The following IPO9 variants were observed in gnomAD, a reference collection of about 807,000 sequenced individuals.
The protein encoded by IPO9 is importin-9.
IPO9 carries 28 observed loss-of-function variants against 128.6 expected under a neutral mutation model. The observed-to-expected ratio is 0.22, with a 90% CI of 0.16 to 0.30. IPO9 has a LOEUF of 0.30. Among genes scored for constraint, IPO9 ranks in the 10% least tolerant of loss-of-function variants. The probability of loss-of-function intolerance (pLI) is 1.00; values close to 1 mark genes in which losing one functional copy is unlikely to be tolerated. For synonymous variants in IPO9, 455 were observed against 475.8 expected (o/e 0.96, Z 0.57); for missense variants, 935 against 1,293.9 (o/e 0.72, Z 4.26).
chr1:201,874,755 A>C, intron 21 of IPO9, 77 bp from the exon 22 acceptor site: 1 of 1,008,254 alleles, frequency 9.9e-7, no homozygotes, highest in Non-Finnish European at 1.6e-6. Flanking sequence ...GGGCCCTTCT[A>C]TTCTGGCCTA....
Position 201,877,487 on chromosome 1 carries a change from TCACACACACACA to T in IPO9, c.*1448_*1459del, listed in dbSNP as rs72022508. ...CGTTGCATTCCAAGGCAAGACTCAA[TCACACACACACA>T]CACACACACACACAAATCATGGGGA... On this transcript the variant is annotated 3_prime_UTR_variant, in exon 24 of 24. Coordinates refer to ENST00000361565, the MANE Select transcript of IPO9 (RefSeq NM_018085.5). The T allele has an allele frequency of 0.58, 87,028 of 150,034 alleles. 26,260 individuals are homozygous for T. Among genetic ancestry groups the T allele is most frequent in the Non-Finnish European group, 0.68 (45,539 of 67,236 alleles). 9.3% of individuals were successfully genotyped at this position (150,034 alleles called of 1,614,324 possible).
At chr1:201,852,883 A>T in intron 5 of IPO9, 128 bp from the exon 6 acceptor site, 2 of 713,942 alleles carry the variant, frequency 2.8e-6, no homozygotes, top group Non-Finnish European at 2.5e-6. Context: ...TACATTTCCC[A>T]TTTCTCGAGG....
intron 13 of IPO9, among the ~76,000 whole-genome samples, chr1:201,861,896 G>A (rs1437100565): frequency 6.6e-6 from 1 of 152,208 alleles, no homozygotes; most frequent in Non-Finnish European, 1.5e-5. Context: ...CCTAAGAGAT[G>A]AATTAGGTAA....
chr1:201,872,606 A>AAACAACAACAAC (rs147575517), intron 19 of IPO9, among the ~76,000 whole-genome samples: 1 of 147,740 alleles, frequency 6.8e-6, no homozygotes, highest in Non-Finnish European at 1.5e-5. Flanking sequence ...CCTATCTCAA[A>AAACAACAACAAC]AACAACAACA....
At chr1:201,843,106 T>A (rs555350469) in intron 1 of IPO9, among the ~76,000 whole-genome samples, 1 of 152,334 alleles carries the variant, frequency 6.6e-6, no homozygotes, top group South Asian at 2.1e-4. Context: ...AATACTAGTC[T>A]AGCAAGTACC....
chr1:201,854,544 AAG>A (rs1385586221), intron 6 of IPO9, 49 bp from the exon 7 acceptor site: 1 of 1,603,028 alleles, frequency 6.2e-7, no homozygotes, highest in African/African-American at 1.3e-5. Context: ...ATATGTGTTG[AAG>A]CCATGGATTA....
chr1:201,853,099 T>C lies in IPO9; in HGVS notation c.690+2T>C. 6.2e-7 allele frequency: 1 copy of C among 1,613,374 alleles called. No individual in the cohort carries two copies. The highest frequency in any genetic ancestry group is 1.1e-5 in the South Asian group (1 of 91,072). Reference sequence around the variant, plus strand: ...TGTAACATGGAGGAGCTGGAAAAGGTAAGCAGGTCTTTGGATCAATAACAG... The same window carrying C: ...TGTAACATGGAGGAGCTGGAAAAGGCAAGCAGGTCTTTGGATCAATAACAG... On this transcript the variant is annotated splice_donor_variant, in intron 6 of 23. Coordinates refer to ENST00000361565, the MANE Select transcript of IPO9 (RefSeq NM_018085.5). LOFTEE classifies it high-confidence loss of function.
chr1:201,829,623 G>A (rs994949004), intron 1 of IPO9: 4 of 384,224 alleles, frequency 1.0e-5, no homozygotes, highest in African/African-American at 2.1e-5. Context: ...TGAAAAGATA[G>A]ATGGAGCCTA....
intron 1 of IPO9, among the ~76,000 whole-genome samples, chr1:201,835,373 A>T (rs189417864): frequency 6.6e-6 from 1 of 152,228 alleles, no homozygotes. Context: ...TAAGAGAGAA[A>T]GGGGAGCAAG....
Position 201,870,939 on chromosome 1 carries a change from ATTTT to A in IPO9, c.2409+82_2409+85del, listed in dbSNP as rs2102888964. On this transcript the variant is annotated intron_variant, in intron 18 of 23. Transcript: ENST00000361565. The surrounding 1 kb of genome is among the most constrained non-coding windows in gnomAD (Gnocchi z 4.9). ...TCGTATTTTGGTCCTGAGTTATTTTATTTTACCCTCTTACTAGCCTTGTAGGACA... is the reference window on the plus strand; with the variant it reads ...TCGTATTTTGGTCCTGAGTTATTTTAACCCTCTTACTAGCCTTGTAGGACA... 6.8e-7 allele frequency: 1 copy of A among 1,475,652 alleles called. No individual in the cohort carries two copies. Among genetic ancestry groups the A allele is most frequent in the Non-Finnish European group, 9.1e-7 (1 of 1,101,062 alleles). The allele number at this position is 1,475,652 out of a possible 1,614,324, so 91.4% of individuals were successfully genotyped here.
intron 4 of IPO9, among the ~76,000 whole-genome samples, chr1:201,850,981 A>T (rs1024742665): frequency 6.6e-6 from 1 of 151,960 alleles, no homozygotes; most frequent in Non-Finnish European, 1.5e-5. Context: ...TTCCCCCAAA[A>T]TGTCCCAAGT....
Position 201,881,196 on chromosome 1 carries a change from C to A in IPO9, c.*5142C>A, listed in dbSNP as rs577182535. 6.6e-6 allele frequency: 1 copy of A among 152,166 alleles called. No homozygotes were observed. Among genetic ancestry groups the A allele is most frequent in the African/African-American group, 2.4e-5 (1 of 41,422 alleles). 9.4% of individuals were successfully genotyped at this position (152,166 alleles called of 1,614,324 possible). ...GGAGAAGGCAACCCTTGAACACTTG[C>A]AAGGAGCTAACAATACCTGCTTCTG... is the stretch of plus-strand genomic sequence containing the variant. On this transcript the variant is annotated 3_prime_UTR_variant, in exon 24 of 24. Coordinates refer to ENST00000361565, the MANE Select transcript of IPO9 (RefSeq NM_018085.5).
intron 15 of IPO9, 103 bp from the exon 16 acceptor site, chr1:201,868,545 G>GTAATAAGTAAACAAAGTAAT: frequency 7.9e-7 from 1 of 1,263,054 alleles, no homozygotes; most frequent in Non-Finnish European, 1.1e-6. Flanking sequence ...AATCAATGCA[G>GTAATAAGTAAACAAAGTAAT]AAGTTGTTAA....
intron 1 of IPO9, among the ~76,000 whole-genome samples, chr1:201,839,164 C>A (rs1558215846): frequency 6.6e-6 from 1 of 151,448 alleles, no homozygotes; most frequent in Non-Finnish European, 1.5e-5. Context: ...AGGTGATCCA[C>A]CTGCCTTGTC....
At chr1:201,860,838 A>G (rs1680430614) in intron 13 of IPO9, among the ~76,000 whole-genome samples, 1 of 152,226 alleles carries the variant, frequency 6.6e-6, no homozygotes, top group Non-Finnish European at 1.5e-5. Context: ...CACATACCAT[A>G]TAACCTCTGG....
In IPO9 at chr1:201,853,239, G is replaced by A. The variant is rs888990995; in HGVS notation, c.690+142G>A. 67 of 701,462 alleles carry A rather than the reference G, an allele frequency of 9.6e-5. 1 individual carries two copies. The African/African-American group carries it at 9.7e-4, about 10-fold the overall frequency. 43.5% of individuals were successfully genotyped at this position (701,462 alleles called of 1,614,324 possible). On this transcript the variant is annotated intron_variant, in intron 6 of 23. Coordinates refer to ENST00000361565, the MANE Select transcript of IPO9 (RefSeq NM_018085.5). ...GATTTAACATTTTTATTAAATTATT[G>A]TTGTTATTTTTCCAGACAGGGTCTT... is the stretch of plus-strand genomic sequence containing the variant.
At chr1:201,866,064 A>C (rs542247468) in intron 14 of IPO9, among the ~76,000 whole-genome samples, 1 of 152,294 alleles carries the variant, frequency 6.6e-6, no homozygotes, top group East Asian at 1.9e-4. Flanking sequence ...TGTTTCTTTA[A>C]CTTGTGTTAC....
chr1:201,852,221 T>A (rs372824083), intron 5 of IPO9, 29 bp downstream of exon 5: 3 of 1,441,416 alleles, frequency 2.1e-6, no homozygotes. Flanking sequence ...AAGATTATAG[T>A]GAGTTCAGGC....
chr1:201,857,291 T>TTGGG, intron 11 of IPO9, 97 bp downstream of exon 11: 1 of 791,036 alleles, frequency 1.3e-6, no homozygotes, highest in Non-Finnish European at 2.2e-6. Flanking sequence ...AGCAGTGTTG[T>TTGGG]TGGGTGGCTT....
Sources: gnomAD v4.1 joint callset for allele counts (sites outside exome capture counted in the v4.1 genomes callset) on GRCh38, gnomAD v4.1.1 for gene constraint, Gnocchi (gnomAD v3.1) non-coding constraint, MANE v1.5 for transcripts, NCBI Gene and HGNC (gene_info 2026-07-23, HGNC 2026-07-21) for gene names.